NFIB: variants seen among roughly 807,000 people sequenced by gnomAD.
NFIB encodes the protein nuclear factor I B.
In NFIB, 11 loss-of-function variants were observed where a neutral mutation model predicts 61.5. The ratio of observed to expected loss-of-function variants is 0.18; its 90% confidence interval spans 0.11 to 0.30. The LOEUF is 0.30. NFIB is among the 10% of genes least tolerant of loss of function. The pLI is 1.00. For synonymous variants in NFIB, 260 were observed against 216.5 expected, an observed-to-expected ratio of 1.20 and a Z score of -1.76; for missense variants, 471 against 608.9, an observed-to-expected ratio of 0.77 and a Z score of 2.38.
the NFIB span, among the ~76,000 whole-genome samples, chr9:14,488,245 C>T: frequency 2.6e-5 from 4 of 151,894 alleles, no homozygotes; most frequent in Admixed American, 1.3e-4. Context: ...AGCCTGTAGT[C>T]CCAACTACTC....
chr9:14,426,077 G>A, the NFIB span, among the ~76,000 whole-genome samples: 3 of 152,150 alleles, frequency 2.0e-5, no homozygotes, highest in Non-Finnish European at 4.4e-5. Flanking sequence ...CGTTGGAGAT[G>A]GAGGTAGCTG....
chr9:14,457,292 A>C, the NFIB span, among the ~76,000 whole-genome samples: 1 of 152,172 alleles, frequency 6.6e-6, no homozygotes, highest in Non-Finnish European at 1.5e-5. Context: ...GAACCACTTT[A>C]ATATATTACC....
chr9:14,219,413 T>A (rs868604613), intron 2 of NFIB, among the ~76,000 whole-genome samples: 3 of 101,130 alleles, frequency 3.0e-5, no homozygotes, highest in Admixed American at 9.8e-5. Context: ...AAGTCTAAGT[T>A]GAAGAGATTT....
At chr9:14,249,973 A>T (rs149544310) in intron 2 of NFIB, among the ~76,000 whole-genome samples, 1 of 152,324 alleles carries the variant, frequency 6.6e-6, no homozygotes, top group African/African-American at 2.4e-5. Flanking sequence ...CCCACACAGT[A>T]GGAACAAACA....
In NFIB at chr9:14,270,537, G is replaced by A. The variant is rs74621703; in HGVS notation, c.562+36452C>T. Reference sequence around the variant, plus strand: ...AAATGAGATTACAGAATTTAATCTAGTGAAGGGGAGTGAGAGATGAGTTCT... The same window carrying A: ...AAATGAGATTACAGAATTTAATCTAATGAAGGGGAGTGAGAGATGAGTTCT... On this transcript the variant is annotated intron_variant, in intron 2 of 10. Transcript: ENST00000380953. 6.0e-5 allele frequency among the ~76,000 whole-genome samples: 7 copies of A among 116,996 alleles called. No homozygotes were observed. In the East Asian group the frequency reaches 2.1e-3, roughly 35 times the overall value. 76.8% of individuals were successfully genotyped at this position (116,996 alleles called of 152,430 possible).
chr9:14,307,556 T>C lies in NFIB; in HGVS notation c.31-36A>G, dbSNP rs187551765. 94 of 1,510,198 alleles carry C rather than the reference T, an allele frequency of 6.2e-5. 1 individual carries two copies. The African/African-American group carries it at 1.1e-3, about 18-fold the overall frequency. 93.5% of individuals were successfully genotyped at this position (1,510,198 alleles called of 1,614,324 possible). On this transcript the variant is annotated intron_variant, in intron 1 of 10. Coordinates refer to ENST00000380953, the MANE Select transcript of NFIB (RefSeq NM_001190737.2). The surrounding 1 kb of genome is among the most constrained non-coding windows in gnomAD (Gnocchi z 5.3). ...CAGAGGGGTGAGGAAAAGATGTGCA[T>C]AGTCAGTTTAATTTTAAAAGCTCAA...
At chr9:14,168,546 T>TA (rs1343637187) in intron 3 of NFIB, among the ~76,000 whole-genome samples, 2 of 152,188 alleles carry the variant, frequency 1.3e-5, no homozygotes, top group Non-Finnish European at 2.9e-5. Context: ...TGAAGGGTCA[T>TA]ATTGTATGTC....
the NFIB span, among the ~76,000 whole-genome samples, chr9:14,529,775 C>G: frequency 7.2e-5 from 11 of 152,120 alleles, no homozygotes; most frequent in Non-Finnish European, 1.5e-4. Flanking sequence ...TTCATGTAAC[C>G]TAATGAAGAT....
rs373919386 is a variant in NFIB, at chr9:14,208,848, G to GATTCACTC, written c.563-29076_563-29069dup. 4.5e-3 allele frequency among the ~76,000 whole-genome samples: 686 copies of GATTCACTC among 152,188 alleles called. 11 individuals are homozygous for GATTCACTC. The highest frequency in any genetic ancestry group is 0.015 in the African/African-American group (627 of 41,524). ...AGTATTAAATTCATCTAGACCCACT[G>GATTCACTC]ATTCACTCAGTCTTTTTTTTAAGTT... is the stretch of plus-strand genomic sequence containing the variant. On this transcript the variant is annotated intron_variant, in intron 2 of 10. Coordinates refer to ENST00000380953, the MANE Select transcript of NFIB (RefSeq NM_001190737.2).
At chr9:14,450,043 A>G in the NFIB span, among the ~76,000 whole-genome samples, 1 of 152,154 alleles carries the variant, frequency 6.6e-6, no homozygotes, top group African/African-American at 2.4e-5. Flanking sequence ...CTAGGTATAC[A>G]TGTGCCATGT....
At chr9:14,369,542 G>C (rs1234166498) in intron 1 of NFIB, among the ~76,000 whole-genome samples, 2 of 151,900 alleles carry the variant, frequency 1.3e-5, no homozygotes, top group African/African-American at 4.8e-5. Flanking sequence ...ACATCTCCAA[G>C]CCAGAACTCC....
chr9:14,204,810 G>C (rs977557300), intron 2 of NFIB: 4 of 491,950 alleles, frequency 8.1e-6, no homozygotes, highest in Non-Finnish European at 1.5e-5. Flanking sequence ...GGGAAGACAA[G>C]ACTGGGACAT....
intron 9 of NFIB, among the ~76,000 whole-genome samples, chr9:14,114,345 T>G (rs905045026): frequency 3.3e-5 from 5 of 152,162 alleles, no homozygotes; most frequent in Non-Finnish European, 1.5e-5. Flanking sequence ...GCCTCACCCT[T>G]ACAGAAGAGC....
the NFIB span, among the ~76,000 whole-genome samples, chr9:14,461,375 G>A: frequency 6.6e-6 from 1 of 152,206 alleles, no homozygotes; most frequent in Non-Finnish European, 1.5e-5. Flanking sequence ...AACAGGACTT[G>A]GTGATAGATG....
intron 2 of NFIB, among the ~76,000 whole-genome samples, chr9:14,215,656 T>C (rs190549088): frequency 1.8e-4 from 28 of 152,346 alleles, no homozygotes; most frequent in African/African-American, 6.5e-4. Flanking sequence ...GATGCCCCAT[T>C]TGTTAACAGT....
At position 14,082,810 on chromosome 9, in the gene NFIB, A is replaced by G. The variant is rs2032214576; in HGVS notation, c.*5499T>C. 1 of 203,814 alleles carries G rather than the reference A, an allele frequency of 4.9e-6. No homozygotes were observed. The highest frequency in any genetic ancestry group is 1.0e-5 in the Non-Finnish European group (1 of 99,350). The allele number at this position is 203,814 out of a possible 1,614,324, so 12.6% of individuals were successfully genotyped here. ...GAAAAAAAAAGACTTCCTTCTGCAT[A>G]AAGAGATATATTTGCCACATCAGTC... On this transcript the variant is annotated 3_prime_UTR_variant, in exon 11 of 11. Transcript: ENST00000380953.
chr9:14,170,828 T>C (rs2045485067), intron 3 of NFIB, among the ~76,000 whole-genome samples: 1 of 152,172 alleles, frequency 6.6e-6, no homozygotes, highest in African/African-American at 2.4e-5. Flanking sequence ...GTTATAGCAA[T>C]AGCCTTTAAA....
chr9:14,509,301 G>A, the NFIB span, among the ~76,000 whole-genome samples: 5 of 152,284 alleles, frequency 3.3e-5, no homozygotes, highest in African/African-American at 7.2e-5. Flanking sequence ...AGACACACAT[G>A]TTCTGCAGAA....
chr9:14,404,226 C>T, the NFIB span, among the ~76,000 whole-genome samples: 3 of 152,096 alleles, frequency 2.0e-5, no homozygotes, highest in Admixed American at 2.0e-4. Flanking sequence ...CAACCCCTAC[C>T]AGCTATCAAA....
Sources: allele counts gnomAD v4.1 joint callset (sites outside exome capture counted in the v4.1 genomes callset), GRCh38; gene constraint gnomAD v4.1.1; non-coding constraint Gnocchi (gnomAD v3.1); transcripts MANE v1.5; gene names NCBI Gene and HGNC (gene_info 2026-07-23, HGNC 2026-07-21).